Variants in ADAMTS18 observed in about 807,000 individuals in gnomAD.
ADAMTS18 encodes A disintegrin and metalloproteinase with thrombospondin motifs 18.
In ADAMTS18, 157 loss-of-function variants were observed where a neutral mutation model predicts 165.9. The ratio of observed to expected loss-of-function variants is 0.95; its 90% CI spans 0.83 to 1.08. The LOEUF (loss-of-function observed/expected upper bound fraction) is 1.08, where lower values mean the gene tolerates loss of function less well. ADAMTS18 is among the 50% of genes least tolerant of loss of function. The pLI is 0.00. For missense variants in ADAMTS18, 2,040 were observed against 1,534.0 expected (o/e 1.33, Z -5.51); for synonymous variants, 782 against 578.2 (o/e 1.35, Z -5.06).
intron 3 of ADAMTS18, among the ~76,000 whole-genome samples, chr16:77,430,962 T>C (rs1466044015): frequency 6.6e-6 from 1 of 152,190 alleles, no homozygotes. Context: ...ATGAAGCTTG[T>C]TAGATTTATA....
chr16:77,425,906 C>T (rs1177068303), intron 3 of ADAMTS18, among the ~76,000 whole-genome samples: 1 of 152,024 alleles, frequency 6.6e-6, no homozygotes, highest in East Asian at 1.9e-4. Flanking sequence ...ATTAGCCAGG[C>T]GTGGTGGTGG....
At chr16:77,398,423 G>A (rs1368673040) in intron 3 of ADAMTS18, among the ~76,000 whole-genome samples, 5 of 152,228 alleles carry the variant, frequency 3.3e-5, no homozygotes, top group African/African-American at 7.2e-5. Context: ...AATCACACAC[G>A]ACAGAGAAAC....
At chr16:77,292,277 G>C (rs572695174) in intron 20 of ADAMTS18, among the ~76,000 whole-genome samples, 1 of 152,284 alleles carries the variant, frequency 6.6e-6, no homozygotes, top group East Asian at 1.9e-4. Context: ...TAGGACAACA[G>C]AGCAAGACCC....
chr16:77,316,280 G>C (rs539240958), intron 16 of ADAMTS18, among the ~76,000 whole-genome samples: 2 of 147,070 alleles, frequency 1.4e-5, no homozygotes, highest in Non-Finnish European at 3.0e-5. Context: ...TTTTGAGACA[G>C]AGTCTCGCTG....
Position 77,341,792 on chromosome 16 carries a change from C to A in ADAMTS18, c.1622G>T (p.Cys541Phe), listed in dbSNP as rs201867955. Reference sequence around the variant, plus strand: ...TACTCGGTGGCACCAAAGTGATTTGCAAATATCCTGAAATAAAAAAAAAGG... The same window carrying A: ...TACTCGGTGGCACCAAAGTGATTTGAAAATATCCTGAAATAAAAAAAAAGG... ...LCSLGFVKDI[C>F]KSLWCHRVGH... The change falls in exon 11 of 23, where the codon TGC (cysteine) becomes TTC (phenylalanine). Residue 541 changes from cysteine to phenylalanine, a missense_variant. Cys to Phe is a radical substitution (Grantham distance 205). Coordinates refer to ENST00000282849, the MANE Select transcript of ADAMTS18 (RefSeq NM_199355.4). The A allele has an allele frequency of 1.2e-6, 2 of 1,609,102 alleles. No individual in the cohort carries two copies. Among genetic ancestry groups the A allele is most frequent in the Non-Finnish European group, 1.7e-6 (2 of 1,177,838 alleles).
At chr16:77,330,379 A>C (rs911825400) in intron 12 of ADAMTS18, among the ~76,000 whole-genome samples, 2 of 152,198 alleles carry the variant, frequency 1.3e-5, no homozygotes, top group African/African-American at 2.4e-5. Flanking sequence ...GAACCAGAAA[A>C]AATGAAAAAT....
chr16:77,394,490 A>C (rs1404113166), intron 3 of ADAMTS18, among the ~76,000 whole-genome samples: 2 of 152,314 alleles, frequency 1.3e-5, no homozygotes, highest in East Asian at 3.9e-4. Context: ...AATGGAGAAG[A>C]AAGTTTTCAG....
intron 3 of ADAMTS18, among the ~76,000 whole-genome samples, chr16:77,372,684 C>G (rs1027419718): frequency 6.6e-5 from 10 of 152,178 alleles, no homozygotes; most frequent in African/African-American, 2.4e-4. Flanking sequence ...TAAGTAAAAT[C>G]TCAGATTTCA....
chr16:77,342,349 C>T (rs763272781), intron 10 of ADAMTS18, among the ~76,000 whole-genome samples: 2 of 152,144 alleles, frequency 1.3e-5, no homozygotes, highest in Non-Finnish European at 2.9e-5. Context: ...AAAATACTGC[C>T]TATCATTACT....
chr16:77,289,508 G>A (rs2055322711), intron 21 of ADAMTS18, 97 bp from the exon 22 acceptor site: 1 of 1,416,102 alleles, frequency 7.1e-7, no homozygotes, highest in African/African-American at 1.4e-5. Flanking sequence ...TTAACAAGAT[G>A]CCTGCTGATG....
chr16:77,291,240 C>G, intron 21 of ADAMTS18, 26 bp downstream of exon 21: 5 of 1,612,026 alleles, frequency 3.1e-6, no homozygotes, highest in Non-Finnish European at 4.2e-6. Context: ...CTTGAATAGA[C>G]ACCTCCTCAA....
chr16:77,336,020 G>C, intron 11 of ADAMTS18, 116 bp from the exon 12 acceptor site: 4 of 1,223,858 alleles, frequency 3.3e-6, no homozygotes, highest in Non-Finnish European at 4.8e-6. Context: ...AAAGGAAAAT[G>C]CCTGATACCT....
intron 2 of ADAMTS18, among the ~76,000 whole-genome samples, chr16:77,432,978 CTCCTT>C (rs914710103): frequency 9.9e-5 from 15 of 152,256 alleles, no homozygotes; most frequent in East Asian, 5.8e-4. Flanking sequence ...TCTTGACTCC[CTCCTT>C]TAACTAAAAA....
intron 18 of ADAMTS18, 66 bp from the exon 19 acceptor site, chr16:77,295,193 C>G: frequency 6.4e-7 from 1 of 1,556,888 alleles, no homozygotes. Context: ...AAAGCAGTTA[C>G]TGTGAAAGGT....
chr16:77,402,025 T>C (rs528270263), intron 3 of ADAMTS18, among the ~76,000 whole-genome samples: 22 of 152,272 alleles, frequency 1.4e-4, no homozygotes, highest in African/African-American at 5.3e-4. Flanking sequence ...GGTTCTCTAG[T>C]TTGCAGACAG....
chr16:77,367,356 T>A, intron 4 of ADAMTS18, 85 bp downstream of exon 4: 1 of 1,545,448 alleles, frequency 6.5e-7, no homozygotes. Flanking sequence ...CATTTTGACT[T>A]GCAAAGCTTG....
chr16:77,298,268 T>G (rs1567462053), intron 17 of ADAMTS18, among the ~76,000 whole-genome samples: 1 of 152,166 alleles, frequency 6.6e-6, no homozygotes. Context: ...AACATTAATT[T>G]CAGGACTTCT....
chr16:77,329,954 T>A (rs1031722397), intron 12 of ADAMTS18, among the ~76,000 whole-genome samples: 1 of 152,220 alleles, frequency 6.6e-6, no homozygotes, highest in Non-Finnish European at 1.5e-5. Flanking sequence ...TACAAATAGT[T>A]ACAATGGTGT....
At position 77,412,176 on chromosome 16, in the gene ADAMTS18, C is replaced by G. The variant is rs1297708359; in HGVS notation, c.495+19119G>C. 4.6e-5 allele frequency among the ~76,000 whole-genome samples: 7 copies of G among 152,054 alleles called. No homozygotes were observed. In the South Asian group the frequency reaches 1.5e-3, roughly 32 times the overall value. On this transcript the variant is annotated intron_variant, in intron 3 of 22. Coordinates refer to ENST00000282849, the MANE Select transcript of ADAMTS18 (RefSeq NM_199355.4). Reference sequence around the variant, plus strand: ...CAAAAAGACTGAGTAAGGAAGAATCCCTCTGTCTCTGAGCTGGGATATGCA... The same window carrying G: ...CAAAAAGACTGAGTAAGGAAGAATCGCTCTGTCTCTGAGCTGGGATATGCA...
Sources: gnomAD v4.1 joint callset for allele counts (sites outside exome capture counted in the v4.1 genomes callset) on GRCh38, gnomAD v4.1.1 for gene constraint, MANE v1.5 for transcripts, NCBI Gene and HGNC (gene_info 2026-07-23, HGNC 2026-07-21) for gene names.